Variants in NUDCD3 observed in about 807,000 individuals in gnomAD.
NUDCD3 encodes NudC domain containing 3, also known as nudC domain-containing protein 3.
A neutral mutation model predicts 39.7 loss-of-function variants in NUDCD3; 13 were observed. The observed-to-expected ratio is 0.33, with a 90% confidence interval of 0.21 to 0.52. The LOEUF (loss-of-function observed/expected upper bound fraction) is 0.52. NUDCD3 is among the 20% of genes least tolerant of loss of function. The probability of loss-of-function intolerance (pLI) is 0.96; values close to 1 mark genes in which losing one functional copy is unlikely to be tolerated. For missense variants in NUDCD3, 453 were observed against 458.1 expected (o/e 0.99, Z 0.10); for synonymous variants, 175 against 172.4 (o/e 1.02, Z -0.12).
chr7:44,453,120 A>AG (rs202131871), intron 2 of NUDCD3, among the ~76,000 whole-genome samples: 2 of 152,098 alleles, frequency 1.3e-5, no homozygotes, highest in Non-Finnish European at 2.9e-5. Flanking sequence ...TGGGAAGCTG[A>AG]GGGGGGCGGA....
intron 2 of NUDCD3, among the ~76,000 whole-genome samples, chr7:44,483,831 G>C (rs1222782091): frequency 6.6e-6 from 1 of 152,142 alleles, no homozygotes; most frequent in African/African-American, 2.4e-5. Context: ...AGGTATAGTG[G>C]CAGACATCTC....
chr7:44,404,923 G>A (rs548280904), intron 3 of NUDCD3, among the ~76,000 whole-genome samples: 1 of 152,268 alleles, frequency 6.6e-6, no homozygotes, highest in East Asian at 1.9e-4. Context: ...GGAGACAAGT[G>A]GTATTTCTTC....
intron 5 of NUDCD3, among the ~76,000 whole-genome samples, chr7:44,386,417 C>T (rs1798404397): frequency 6.6e-6 from 1 of 152,200 alleles, no homozygotes; most frequent in South Asian, 2.1e-4. Context: ...GTCCCTTTTC[C>T]ACCAGGATCT....
intron 2 of NUDCD3, among the ~76,000 whole-genome samples, chr7:44,453,648 C>G (rs1233759573): frequency 6.6e-6 from 1 of 152,192 alleles, no homozygotes; most frequent in Non-Finnish European, 1.5e-5. Flanking sequence ...CAGGTAATAT[C>G]TGACACAAAC....
At chr7:44,427,389 C>A (rs909617042) in intron 3 of NUDCD3, among the ~76,000 whole-genome samples, 182 bp downstream of exon 3, 12 of 152,252 alleles carry the variant, frequency 7.9e-5, no homozygotes, top group African/African-American at 2.6e-4. Flanking sequence ...GGGAGAACCT[C>A]ACAAACAGAA....
chr7:44,449,852 T>TAA (rs58410314), intron 2 of NUDCD3, among the ~76,000 whole-genome samples: 27 of 100,842 alleles, frequency 2.7e-4, no homozygotes, highest in Admixed American at 5.5e-4. Flanking sequence ...ACATGATCCA[T>TAA]AAAAAAAAAA....
intron 2 of NUDCD3, among the ~76,000 whole-genome samples, chr7:44,470,941 G>T (rs1800243460): frequency 1.3e-5 from 2 of 152,188 alleles, no homozygotes; most frequent in Admixed American, 6.5e-5. Context: ...CTGAAGAGTG[G>T]CATTCATGAG....
intron 2 of NUDCD3, among the ~76,000 whole-genome samples, chr7:44,479,641 G>A (rs577214138): frequency 2.6e-5 from 4 of 152,234 alleles, no homozygotes; most frequent in Non-Finnish European, 4.4e-5. Flanking sequence ...GGTTAGAACC[G>A]AAAAACATGT....
intron 2 of NUDCD3, among the ~76,000 whole-genome samples, chr7:44,439,329 T>A (rs1047123397): frequency 6.6e-6 from 1 of 152,070 alleles, no homozygotes; most frequent in Non-Finnish European, 1.5e-5. Context: ...TTCCTATACA[T>A]CCAGGTAGAG....
At chr7:44,466,593 A>T (rs1228144353) in intron 2 of NUDCD3, among the ~76,000 whole-genome samples, 1 of 152,136 alleles carries the variant, frequency 6.6e-6, no homozygotes, top group Non-Finnish European at 1.5e-5. Context: ...TGCCTTCAAA[A>T]ATTAGGGGAA....
At chr7:44,486,653 C>T (rs1409715618) in intron 1 of NUDCD3, among the ~76,000 whole-genome samples, 1 of 152,202 alleles carries the variant, frequency 6.6e-6, no homozygotes. Flanking sequence ...TGAGTCCATG[C>T]TTTCAGAGTT....
intron 2 of NUDCD3, among the ~76,000 whole-genome samples, chr7:44,431,433 C>A (rs1328877248): frequency 6.6e-6 from 1 of 152,166 alleles, no homozygotes; most frequent in East Asian, 1.9e-4. Flanking sequence ...AGGCCAGACC[C>A]TTCCTGGCAG....
chr7:44,473,870 G>A (rs1800305236), intron 2 of NUDCD3, among the ~76,000 whole-genome samples: 1 of 152,168 alleles, frequency 6.6e-6, no homozygotes, highest in Non-Finnish European at 1.5e-5. Flanking sequence ...AAAAAAAAGA[G>A]AGAAAAATGG....
At chr7:44,467,148 C>T (rs992098048) in intron 2 of NUDCD3, among the ~76,000 whole-genome samples, 4 of 152,174 alleles carry the variant, frequency 2.6e-5, no homozygotes, top group African/African-American at 9.7e-5. Flanking sequence ...CCTGCTGAAC[C>T]AGCATCTCAC....
At chr7:44,391,869 G>T (rs916757874) in intron 5 of NUDCD3, among the ~76,000 whole-genome samples, 12 of 152,106 alleles carry the variant, frequency 7.9e-5, no homozygotes, top group Admixed American at 4.6e-4. Context: ...GTCTTCACAT[G>T]CTGGCCTCCA....
chr7:44,482,977 T>G (rs1800524438), intron 2 of NUDCD3, among the ~76,000 whole-genome samples: 1 of 151,978 alleles, frequency 6.6e-6, no homozygotes, highest in Non-Finnish European at 1.5e-5. Context: ...TAACTACAGA[T>G]TAGACACCAA....
At chr7:44,423,086 C>A (rs567126464) in intron 3 of NUDCD3, among the ~76,000 whole-genome samples, 2 of 152,274 alleles carry the variant, frequency 1.3e-5, no homozygotes, top group Admixed American at 6.5e-5. Flanking sequence ...CAATAAAATT[C>A]AACACCCCTT....
intron 2 of NUDCD3, among the ~76,000 whole-genome samples, chr7:44,438,773 GAATGA>G (rs1437010813): frequency 6.6e-6 from 1 of 152,156 alleles, no homozygotes; most frequent in African/African-American, 2.4e-5. Context: ...GAATAAAATG[GAATGA>G]AATACGCAAG....
chr7:44,432,450 A>G (rs1299530169), intron 2 of NUDCD3, among the ~76,000 whole-genome samples: 2 of 152,232 alleles, frequency 1.3e-5, no homozygotes, highest in Admixed American at 1.3e-4. Context: ...GCTGACCTCA[A>G]GCTCTTCTCC....
Sources: allele counts gnomAD v4.1 joint callset (sites outside exome capture counted in the v4.1 genomes callset), GRCh38; gene constraint gnomAD v4.1.1; transcripts MANE v1.5; gene names NCBI Gene and HGNC (gene_info 2026-07-23, HGNC 2026-07-21).